The following OR14L1 variants were observed in gnomAD, a reference collection of about 807,000 sequenced individuals.
OR14L1 encodes olfactory receptor 14L1.
the OR14L1 span, among the ~76,000 whole-genome samples, chr1:247,619,252 AT>A: frequency 6.6e-5 from 10 of 152,210 alleles, no homozygotes; most frequent in African/African-American, 2.4e-4. Flanking sequence ...TAATGAGCAA[AT>A]AAAATGCTTC....
At chr1:247,618,709 C>T in the OR14L1 span, among the ~76,000 whole-genome samples, 44 of 152,236 alleles carry the variant, frequency 2.9e-4, no homozygotes, top group South Asian at 5.6e-3. Context: ...TACACATTTC[C>T]TAGCTAATCC....
At chr1:247,620,977 A>T in the OR14L1 span, 52 of 152,310 alleles carry the variant, frequency 3.4e-4, no homozygotes, top group African/African-American at 1.3e-3. Context: ...CAAATGGAAA[A>T]TAAACATAAG....
the OR14L1 span, among the ~76,000 whole-genome samples, chr1:247,617,921 G>T: frequency 2.3e-3 from 354 of 152,224 alleles, 1 homozygote; most frequent in African/African-American, 8.1e-3. Flanking sequence ...TAGAGTCCTT[G>T]ATATTTCTCT....
the OR14L1 span, chr1:247,617,492 T>C: frequency 1.3e-5 from 2 of 152,322 alleles, no homozygotes; most frequent in Non-Finnish European, 1.5e-5. Context: ...TTCCATACCA[T>C]CTTCTTATCT....
chr1:247,617,200 T>C, the OR14L1 span: 1 of 152,220 alleles, frequency 6.6e-6, no homozygotes. Flanking sequence ...AGTTTATATT[T>C]TTGAATCAGG....
chr1:247,618,230 G>A, the OR14L1 span, among the ~76,000 whole-genome samples: 231 of 152,222 alleles, frequency 1.5e-3, 1 homozygote, highest in African/African-American at 5.3e-3. Flanking sequence ...ACCCAAGAAA[G>A]ACCAGGAAAT....
chr1:247,618,160 A>G, the OR14L1 span, among the ~76,000 whole-genome samples: 1 of 152,162 alleles, frequency 6.6e-6, no homozygotes. Flanking sequence ...CACATTTTCC[A>G]GTAGAGAGAC....
the OR14L1 span, among the ~76,000 whole-genome samples, chr1:247,618,269 G>C: frequency 6.6e-6 from 1 of 152,130 alleles, no homozygotes; most frequent in Non-Finnish European, 1.5e-5. Flanking sequence ...AAAACTGCCA[G>C]AAGAAGAGAT....
the OR14L1 span, chr1:247,621,943 A>G: frequency 6.6e-6 from 1 of 151,920 alleles, no homozygotes. Flanking sequence ...TTAAAAATCC[A>G]TTTGTCCATG....
chr1:247,620,088 C>T, the OR14L1 span: 1 of 152,200 alleles, frequency 6.6e-6, no homozygotes, highest in African/African-American at 2.4e-5. Context: ...TGTCGTGGCT[C>T]AGTGGGGTGA....
At chr1:247,618,251 C>T in the OR14L1 span, among the ~76,000 whole-genome samples, 5 of 151,964 alleles carry the variant, frequency 3.3e-5, no homozygotes, top group African/African-American at 1.2e-4. Flanking sequence ...CAGTGATTGC[C>T]TAGAGTGAAA....
chr1:247,617,742 G>C, the OR14L1 span, among the ~76,000 whole-genome samples: 1 of 147,540 alleles, frequency 6.8e-6, no homozygotes, highest in Non-Finnish European at 1.5e-5. Flanking sequence ...TCGATGTATG[G>C]TGGGATTGGA....
At chr1:247,620,848 A>T in the OR14L1 span, 1 of 149,596 alleles carries the variant, frequency 6.7e-6, no homozygotes, top group African/African-American at 2.5e-5. Flanking sequence ...TATAAATTAT[A>T]TTGTACTCAG....
the OR14L1 span, among the ~76,000 whole-genome samples, chr1:247,618,252 T>C: frequency 6.6e-6 from 1 of 152,152 alleles, no homozygotes. Flanking sequence ...AGTGATTGCC[T>C]AGAGTGAAAA....
chr1:247,619,456 A>G, the OR14L1 span, among the ~76,000 whole-genome samples: 2 of 152,132 alleles, frequency 1.3e-5, no homozygotes, highest in Non-Finnish European at 2.9e-5. Flanking sequence ...ATTTATTGAG[A>G]ATATGCTTTG....
At chr1:247,618,889 C>T in the OR14L1 span, among the ~76,000 whole-genome samples, 1 of 152,226 alleles carries the variant, frequency 6.6e-6, no homozygotes, top group African/African-American at 2.4e-5. Context: ...AGACCAATCT[C>T]TTTTCTCGAT....
the OR14L1 span, among the ~76,000 whole-genome samples, chr1:247,618,369 C>T: frequency 7.2e-5 from 11 of 151,962 alleles, no homozygotes; most frequent in Non-Finnish European, 1.2e-4. Flanking sequence ...TATACAACTG[C>T]GAAAACTCCT....
chr1:247,618,311 A>C, the OR14L1 span, among the ~76,000 whole-genome samples: 3 of 152,286 alleles, frequency 2.0e-5, no homozygotes, highest in South Asian at 4.1e-4. Flanking sequence ...AATATTTTGG[A>C]TATGATGAAA....
the OR14L1 span, among the ~76,000 whole-genome samples, chr1:247,618,293 G>T: frequency 3.3e-5 from 5 of 152,216 alleles, no homozygotes; most frequent in African/African-American, 1.2e-4. Context: ...ATACAAAGAA[G>T]GATAAGGAAT....
Sources: gnomAD v4.1 joint callset for allele counts (sites outside exome capture counted in the v4.1 genomes callset) on GRCh38, gnomAD v4.1.1 for gene constraint, MANE v1.5 for transcripts, NCBI Gene and HGNC (gene_info 2026-07-23, HGNC 2026-07-21) for gene names.